PRKCQ: variants seen among roughly 807,000 people sequenced by gnomAD.
PRKCQ encodes protein kinase C theta, also known as protein kinase C theta type.
A neutral mutation model predicts 91.2 loss-of-function variants in PRKCQ; 41 were observed. That is an observed-to-expected ratio of 0.45 (90% CI 0.35 to 0.58). The LOEUF (loss-of-function observed/expected upper bound fraction) is 0.58. PRKCQ is among the 20% of genes least tolerant of loss of function. The probability of loss-of-function intolerance (pLI) is 0.00; values close to 1 mark genes in which losing one functional copy is unlikely to be tolerated. For missense variants in PRKCQ, 673 were observed against 896.5 expected, an observed-to-expected ratio of 0.75 and a Z score of 3.18; for synonymous variants, 307 against 316.9, an observed-to-expected ratio of 0.97 and a Z score of 0.33.
rs533631588 is a variant in PRKCQ at position 6,543,437 on chromosome 10, A to T, written c.-9-28293T>A. Among the ~76,000 whole-genome samples, 6 of 152,124 alleles carry T rather than the reference A, an allele frequency of 3.9e-5. 1 individual carries two copies. Among genetic ancestry groups the T allele is most frequent in the Admixed American group, 3.9e-4 (6 of 15,292 alleles). ...CATGGGGAAAGGTGGCGTTGGGGAA[A>T]AAAGGAGGGAGGAAGAAGTCAGAAA... On this transcript the variant is annotated intron_variant, in intron 1 of 17. Coordinates refer to ENST00000263125, the MANE Select transcript of PRKCQ (RefSeq NM_006257.5).
intron 13 of PRKCQ, among the ~76,000 whole-genome samples, chr10:6,463,803 T>C (rs2132331577): frequency 6.6e-6 from 1 of 152,304 alleles, no homozygotes. Context: ...GAACTGTGGA[T>C]GCAGGTGCAG....
rs1554778612 is a variant in PRKCQ, at chr10:6,521,953, A to ATTTATTTATTTT, written c.-9-6810_-9-6809insAAAATAAATAAA. ...TATTTATTTATTTATTTATTTATTT[A>ATTTATTTATTTT]TTTTTTTGAGACGGAGTCTCGCCCT... On this transcript the variant is annotated intron_variant, in intron 1 of 17. Transcript: ENST00000263125. Among the ~76,000 whole-genome samples the ATTTATTTATTTT allele has an allele frequency of 5.9e-5, 9 of 151,550 alleles. No individual in the cohort carries two copies. The South Asian group carries it at 6.3e-4, about 11-fold the overall frequency.
intron 15 of PRKCQ, among the ~76,000 whole-genome samples, chr10:6,446,726 T>G (rs1400281311): frequency 6.6e-6 from 1 of 152,200 alleles, no homozygotes; most frequent in Non-Finnish European, 1.5e-5. Context: ...CCCCTTTCTC[T>G]CTCAGCCCCG....
intron 1 of PRKCQ, among the ~76,000 whole-genome samples, chr10:6,517,500 C>T (rs113803877): frequency 0.012 from 1,833 of 147,744 alleles, 28 homozygotes; most frequent in East Asian, 0.047. Flanking sequence ...AGTAGCTCTA[C>T]GATCTGCGTT....
chr10:6,489,667 C>A (rs973824053), intron 8 of PRKCQ, among the ~76,000 whole-genome samples: 1 of 151,068 alleles, frequency 6.6e-6, no homozygotes, highest in Non-Finnish European at 1.5e-5. Flanking sequence ...GGGGCAGGGA[C>A]CCGGGAGTGT....
At chr10:6,578,471 G>T (rs1462129575) in intron 1 of PRKCQ, among the ~76,000 whole-genome samples, 1 of 152,196 alleles carries the variant, frequency 6.6e-6, no homozygotes, top group African/African-American at 2.4e-5. Context: ...TGCCCAGCAG[G>T]TTACTCTTGA....
In PRKCQ at chr10:6,507,481, G is replaced by T; in HGVS notation, c.334C>A (p.Gln112Lys). 1 of 1,613,666 alleles carries T rather than the reference G, an allele frequency of 6.2e-7. No individual in the cohort carries two copies. The highest frequency in any genetic ancestry group is 1.1e-5 in the South Asian group (1 of 91,058). ...KTEIWLELKP[Q>K]GRMLMNARYF... ...CTTGCATTCATTAGCATTCGGCCTT[G>T]AGGTTTCAGCTCTAACTGGTTGGGA... The change falls in exon 4 of 18, where the codon CAA becomes AAA. Residue 112 changes from glutamine to lysine, a missense_variant. By Grantham distance (53) the Gln-to-Lys change is moderately conservative. Transcript: ENST00000263125.
chr10:6,558,676 G>A (rs971272026), intron 1 of PRKCQ, among the ~76,000 whole-genome samples: 6 of 152,218 alleles, frequency 3.9e-5, no homozygotes, highest in East Asian at 3.8e-4. Context: ...CTGGAATATC[G>A]TCATCTATTC....
At chr10:6,525,914 T>C (rs897592286) in intron 1 of PRKCQ, among the ~76,000 whole-genome samples, 3 of 152,166 alleles carry the variant, frequency 2.0e-5, no homozygotes, top group African/African-American at 7.2e-5. Context: ...ACCTCAGCTC[T>C]CCCACAAGCA....
intron 15 of PRKCQ, among the ~76,000 whole-genome samples, chr10:6,449,868 C>G (rs903226447): frequency 6.6e-6 from 1 of 152,130 alleles, no homozygotes; most frequent in Admixed American, 6.5e-5. Flanking sequence ...AAATACTTTA[C>G]AGACAAGAAA....
chr10:6,456,180 T>G (rs1349273880), intron 15 of PRKCQ, among the ~76,000 whole-genome samples: 1 of 152,150 alleles, frequency 6.6e-6, no homozygotes, highest in African/African-American at 2.4e-5. Context: ...GTTTTAACTT[T>G]CACACTCTTT....
the PRKCQ span, among the ~76,000 whole-genome samples, chr10:6,409,537 C>T: frequency 1.7e-4 from 26 of 152,230 alleles, 1 homozygote; most frequent in African/African-American, 2.9e-4. Context: ...TTAAGTGCTC[C>T]GCCCGCCTCG....
intron 15 of PRKCQ, among the ~76,000 whole-genome samples, chr10:6,452,445 A>T (rs1386491516): frequency 2.7e-5 from 4 of 150,896 alleles, no homozygotes; most frequent in Non-Finnish European, 5.9e-5. Context: ...ATGGAAGAAC[A>T]TTCCATGCTC....
chr10:6,395,224 C>T, the PRKCQ span, among the ~76,000 whole-genome samples: 5 of 152,064 alleles, frequency 3.3e-5, no homozygotes, highest in Admixed American at 6.5e-5. Flanking sequence ...CCACCGTGCC[C>T]GGCTAATTTT....
chr10:6,396,661 A>G, the PRKCQ span, among the ~76,000 whole-genome samples: 1 of 152,226 alleles, frequency 6.6e-6, no homozygotes, highest in Admixed American at 6.5e-5. Context: ...TGAGTATGGC[A>G]CTACATTTGT....
chr10:6,430,861 G>A lies in PRKCQ; in HGVS notation c.1914C>T (p.Asn638=), dbSNP rs755752492. The A allele has an allele frequency of 3.1e-6, 5 of 1,614,068 alleles. No individual in the cohort carries two copies. The African/African-American group carries it at 5.3e-5, about 17-fold the overall frequency. The change falls in exon 17 of 18, where the codon AAC becomes AAT. Residue 638 remains asparagine (N), a synonymous_variant. Coordinates refer to ENST00000263125, the MANE Select transcript of PRKCQ (RefSeq NM_006257.5). This position sits in a 1 kb window ranked among gnomAD's most constrained non-coding sequence, Gnocchi z 4.7. The part of the protein sequence containing the change: ...IRQHPLFREI[N]WEELERKEID... ...TCTCCTTCCGTTCAAGTTCCTCCCA[G>A]TTGATCTCCCGAAACAAAGGGTGCT...
At chr10:6,530,860 A>G (rs1371914096) in intron 1 of PRKCQ, among the ~76,000 whole-genome samples, 3 of 152,204 alleles carry the variant, frequency 2.0e-5, no homozygotes, top group Non-Finnish European at 2.9e-5. Context: ...AAAGGAATAT[A>G]TGAAACTGAC....
chr10:6,427,368 G>A lies in PRKCQ; in HGVS notation c.*839C>T, dbSNP rs972314019. On this transcript the variant is annotated 3_prime_UTR_variant, in exon 18 of 18. Transcript: ENST00000263125. ...GAAATCACCAGTCATGGCACGAGAA[G>A]GGGTTAAGGTTCTTTTCCCAGGAGA... 6.6e-6 allele frequency: 1 copy of A among 152,178 alleles called. No homozygotes were observed. Among genetic ancestry groups the A allele is most frequent in the Admixed American group, 6.5e-5 (1 of 15,278 alleles). 9.4% of individuals were successfully genotyped at this position (152,178 alleles called of 1,614,324 possible). A position where few individuals can be genotyped will look rare whatever the true frequency, so the allele number is the denominator to read the frequency against.
At chr10:6,407,002 G>T in the PRKCQ span, among the ~76,000 whole-genome samples, 1 of 152,136 alleles carries the variant, frequency 6.6e-6, no homozygotes, top group Non-Finnish European at 1.5e-5. The surrounding 1 kb of genome is among the most constrained non-coding windows in gnomAD (Gnocchi z 4.0). Context: ...GTATTTCCTC[G>T]GGGGTAAAGC....
Sources: gnomAD v4.1 joint callset for allele counts (sites outside exome capture counted in the v4.1 genomes callset) on GRCh38, gnomAD v4.1.1 for gene constraint, Gnocchi (gnomAD v3.1) non-coding constraint, MANE v1.5 for transcripts, NCBI Gene and HGNC (gene_info 2026-07-23, HGNC 2026-07-21) for gene names.